Variants in CDC42BPA observed in about 807,000 individuals in gnomAD.
CDC42BPA encodes the protein CDC42 binding protein kinase alpha.
Under a neutral mutation model 223.5 loss-of-function variants are expected in CDC42BPA, and 80 were observed. That is an observed-to-expected ratio of 0.36 (90% CI 0.30 to 0.43). CDC42BPA has a LOEUF of 0.43. Ranked by LOEUF, CDC42BPA falls within the 20% of genes least tolerant of loss-of-function variation. The probability of loss-of-function intolerance (pLI) is 1.00; values close to 1 mark genes in which losing one functional copy is unlikely to be tolerated. For synonymous variants in CDC42BPA, 694 were observed against 718.6 expected, an observed-to-expected ratio of 0.97 and a Z score of 0.55; for missense variants, 1,743 against 2,099.9, an observed-to-expected ratio of 0.83 and a Z score of 3.32.
chr1:227,042,227 AC>A (rs1459845781), intron 23 of CDC42BPA, among the ~76,000 whole-genome samples: 4 of 151,716 alleles, frequency 2.6e-5, no homozygotes, highest in Admixed American at 2.6e-4. Flanking sequence ...TAGCAATGAA[AC>A]AACTCTAGGG....
chr1:227,119,998 G>A, intron 11 of CDC42BPA, 61 bp from the exon 12 acceptor site: 5 of 1,394,008 alleles, frequency 3.6e-6, no homozygotes, highest in Non-Finnish European at 4.8e-6. Flanking sequence ...TTGAACCTAA[G>A]GTAAAACAAC....
At chr1:227,070,686 T>G (rs2149049641) in intron 20 of CDC42BPA, among the ~76,000 whole-genome samples, 1 of 151,990 alleles carries the variant, frequency 6.6e-6, no homozygotes, top group South Asian at 2.1e-4. Context: ...GAAATAATAG[T>G]AAATGAAGCA....
At chr1:227,231,380 C>T (rs1444182844) in intron 2 of CDC42BPA, among the ~76,000 whole-genome samples, 2 of 151,922 alleles carry the variant, frequency 1.3e-5, no homozygotes, top group Non-Finnish European at 2.9e-5. Flanking sequence ...TCCAATCTAT[C>T]ATTCATGGAC....
intron 34 of CDC42BPA, among the ~76,000 whole-genome samples, chr1:227,013,438 T>C (rs1001954742): frequency 2.6e-5 from 4 of 151,994 alleles, no homozygotes; most frequent in Admixed American, 1.3e-4. Flanking sequence ...GAAGAAAATG[T>C]AGAGGAGGGA....
chr1:227,294,346 C>T (rs66475802), intron 1 of CDC42BPA, among the ~76,000 whole-genome samples: 1 of 151,526 alleles, frequency 6.6e-6, no homozygotes, highest in African/African-American at 2.4e-5. Flanking sequence ...CTTTGAAGAG[C>T]GTAATTATCA....
At chr1:227,194,019 G>T in intron 4 of CDC42BPA, 85 bp from the exon 5 acceptor site, 1 of 837,734 alleles carries the variant, frequency 1.2e-6, no homozygotes, top group Non-Finnish European at 1.8e-6. Context: ...AACAGGACTG[G>T]GTCAAATATT....
At position 227,068,871 on chromosome 1, in the gene CDC42BPA, A is replaced by G. The variant is rs118149406; in HGVS notation, c.2904+906T>C. The G allele has an allele frequency of 4.9e-4, 88 of 179,850 alleles. 1 individual carries two copies. The East Asian group carries it at 5.9e-3, about 12-fold the overall frequency. 11.1% of individuals were successfully genotyped at this position (179,850 alleles called of 1,614,324 possible). A position where few individuals can be genotyped will look rare whatever the true frequency, so the allele number is the denominator to read the frequency against. ...TGTTCTTGAGAAACTTAAGAGATTC[A>G]TTAATTACTTTTTAAAGAGTGATTA... On this transcript the variant is annotated intron_variant, in intron 21 of 36. Transcript: ENST00000366766.
chr1:227,123,808 TTATCA>T, intron 11 of CDC42BPA, among the ~76,000 whole-genome samples: 1 of 152,244 alleles, frequency 6.6e-6, no homozygotes, highest in South Asian at 2.1e-4. Flanking sequence ...GGCTCCTTTA[TTATCA>T]ATGCCCCTAT....
intron 1 of CDC42BPA, among the ~76,000 whole-genome samples, chr1:227,316,758 A>T (rs190480329): frequency 1.3e-5 from 2 of 152,344 alleles, no homozygotes; most frequent in Non-Finnish European, 2.9e-5. Flanking sequence ...TGACCTAAAA[A>T]CATAAGTTCT....
intron 1 of CDC42BPA, among the ~76,000 whole-genome samples, chr1:227,292,430 G>T (rs1689856580): frequency 6.6e-6 from 1 of 152,088 alleles, no homozygotes; most frequent in Admixed American, 6.6e-5. Context: ...ATAAAAGATA[G>T]GTATCATAAT....
At chr1:227,086,272 A>G (rs1335065240) in intron 16 of CDC42BPA, among the ~76,000 whole-genome samples, 11 of 152,202 alleles carry the variant, frequency 7.2e-5, no homozygotes. Context: ...TACTATTATG[A>G]GAATATTATG....
chr1:226,996,448 AC>A (rs1293508766), intron 35 of CDC42BPA, among the ~76,000 whole-genome samples: 3 of 152,030 alleles, frequency 2.0e-5, no homozygotes, highest in Non-Finnish European at 2.9e-5. Context: ...CTATCTGAAT[AC>A]CCTTTATTTC....
chr1:227,037,124 G>A (rs545360779), intron 24 of CDC42BPA, among the ~76,000 whole-genome samples: 1 of 152,288 alleles, frequency 6.6e-6, no homozygotes, highest in Admixed American at 6.5e-5. Context: ...TAGCTGGCCA[G>A]GATTCTTTCT....
chr1:227,123,202 T>A (rs1175174890), intron 11 of CDC42BPA, among the ~76,000 whole-genome samples: 8 of 152,124 alleles, frequency 5.3e-5, no homozygotes, highest in Admixed American at 3.3e-4. Flanking sequence ...CGAGAAGGGC[T>A]GAGGCGGGAG....
rs377308491 is a variant in CDC42BPA, at chr1:227,208,028, T to C, written c.354+5108A>G. Among the ~76,000 whole-genome samples the C allele has an allele frequency of 9.6e-3, 762 of 79,466 alleles. 42 individuals carry two copies. The highest frequency in any genetic ancestry group is 0.082 in the East Asian group (275 of 3,350). The allele number at this position is 79,466 out of a possible 152,430, so 52.1% of individuals were successfully genotyped here. A position where few individuals can be genotyped will look rare whatever the true frequency, so the allele number is the denominator to read the frequency against. On this transcript the variant is annotated intron_variant, in intron 3 of 36. Transcript: ENST00000366766. ...TTCTCCACATCCTCTCCAGCACCTG[T>C]TGTTTCCTGACTTTTTAATGATTGC...
At chr1:227,150,721 G>A (rs1194216226) in intron 6 of CDC42BPA, among the ~76,000 whole-genome samples, 2 of 151,840 alleles carry the variant, frequency 1.3e-5, no homozygotes, top group Non-Finnish European at 2.9e-5. Flanking sequence ...GGAGGACAAG[G>A]ACTAGAAAAA....
intron 2 of CDC42BPA, among the ~76,000 whole-genome samples, chr1:227,227,735 G>C (rs1572490006): frequency 6.6e-6 from 1 of 152,048 alleles, no homozygotes; most frequent in Non-Finnish European, 1.5e-5. Flanking sequence ...ATAAAGGTTA[G>C]ACAAGATAGA....
chr1:227,006,707 TGGGCAGATCACGA>T (rs1315463309), intron 34 of CDC42BPA, among the ~76,000 whole-genome samples: 1 of 152,030 alleles, frequency 6.6e-6, no homozygotes, highest in Non-Finnish European at 1.5e-5. Context: ...GAGACTGAGG[TGGGCAGATCACGA>T]GGTCAGGAAT....
intron 10 of CDC42BPA, among the ~76,000 whole-genome samples, chr1:227,137,362 A>G (rs1469732857): frequency 6.6e-6 from 1 of 152,114 alleles, no homozygotes; most frequent in South Asian, 2.1e-4. Context: ...AACGCGGACG[A>G]TAAGTTCTGG....
Sources: allele counts gnomAD v4.1 joint callset (sites outside exome capture counted in the v4.1 genomes callset), GRCh38; gene constraint gnomAD v4.1.1; transcripts MANE v1.5; gene names NCBI Gene and HGNC (gene_info 2026-07-23, HGNC 2026-07-21).